The following SAMM50 variants were observed in gnomAD, a reference collection of about 807,000 sequenced individuals.
SAMM50 encodes sorting and assembly machinery component 50 homolog.
Under a neutral mutation model 66.9 loss-of-function variants are expected in SAMM50, and 47 were observed. The ratio of observed to expected loss-of-function variants is 0.70; its 90% CI spans 0.56 to 0.90. The LOEUF (loss-of-function observed/expected upper bound fraction) is 0.90. Among genes scored for constraint, SAMM50 ranks in the 40% least tolerant of loss-of-function variants. The pLI is 0.00. For missense variants in SAMM50, 535 were observed against 595.3 expected (o/e 0.90, Z 1.05); for synonymous variants, 191 against 214.1 (o/e 0.89, Z 0.94).
At chr22:43,970,360 C>T (rs2050197055) in intron 4 of SAMM50, among the ~76,000 whole-genome samples, 1 of 152,138 alleles carries the variant, frequency 6.6e-6, no homozygotes, top group Non-Finnish European at 1.5e-5. Context: ...TGTAGTTTCC[C>T]CCCGTGGTGT....
intron 1 of SAMM50, among the ~76,000 whole-genome samples, chr22:43,960,156 C>T (rs2050140696): frequency 6.6e-6 from 1 of 152,148 alleles, no homozygotes; most frequent in Non-Finnish European, 1.5e-5. Context: ...AGTATGTGCA[C>T]ATAATCTTAC....
intron 1 of SAMM50, chr22:43,957,259 G>A (rs1460918552): frequency 9.1e-6 from 6 of 661,154 alleles, no homozygotes; most frequent in Non-Finnish European, 1.7e-5. Context: ...CAGAAACAAT[G>A]GCATGATTCG....
In SAMM50 at chr22:43,972,132, A is replaced by T. The variant is rs954512657; in HGVS notation, c.323-104A>T. The T allele has an allele frequency of 2.6e-5, 16 of 614,866 alleles. No individual in the cohort carries two copies. In the Admixed American group the frequency reaches 5.1e-4, roughly 20 times the overall value. The allele number at this position is 614,866 out of a possible 1,614,324, so 38.1% of individuals were successfully genotyped here. On this transcript the variant is annotated intron_variant, in intron 4 of 14. Coordinates refer to ENST00000350028, the MANE Select transcript of SAMM50 (RefSeq NM_015380.5). The stretch of plus-strand genomic sequence containing the variant: ...TATATTATTTTCTAAAGGAGATTGT[A>T]AAATAGAATGAACCTTCAGATTGCT...
At chr22:43,981,938 CTT>C (rs1208872201) in intron 11 of SAMM50, among the ~76,000 whole-genome samples, 1 of 151,916 alleles carries the variant, frequency 6.6e-6, no homozygotes. Context: ...TTTAAGATAA[CTT>C]GTTGTTTATT....
intron 12 of SAMM50, among the ~76,000 whole-genome samples, chr22:43,984,438 A>G (rs1408365358): frequency 5.6e-5 from 8 of 142,460 alleles, no homozygotes; most frequent in Middle Eastern, 4.6e-3. Context: ...TCAGCCTCCC[A>G]AGTAGCTGGG....
intron 1 of SAMM50, among the ~76,000 whole-genome samples, chr22:43,962,038 A>C (rs1283545007): frequency 6.6e-6 from 1 of 151,942 alleles, no homozygotes; most frequent in Non-Finnish European, 1.5e-5. Context: ...GTTTATGTAG[A>C]TGTTTCTCAA....
rs1603419519 is a variant in SAMM50, at chr22:43,977,910, C to T, written c.888C>T (p.Ile296=). ...ACACTGGCGGGGATGTGAGCTTCAT[C>T]AAAGAAGATTTTGAACTTCAGTTGA... The part of the protein sequence containing the change: ...AGYTGGDVSF[I]KEDFELQLNK... The change falls in exon 10 of 15, where the codon ATC becomes ATT. Residue 296 remains isoleucine (I), a synonymous_variant. Transcript: ENST00000350028. 4.3e-6 allele frequency: 7 copies of T among 1,613,156 alleles called. No individual in the cohort carries two copies. In the East Asian group the frequency reaches 1.6e-4, roughly 36 times the overall value.
chr22:43,959,139 C>T (rs1439208012), intron 1 of SAMM50, among the ~76,000 whole-genome samples: 6 of 151,814 alleles, frequency 4.0e-5, no homozygotes, highest in African/African-American at 1.5e-4. Context: ...CTACCTCAGC[C>T]CCCTGAGTGG....
chr22:43,975,855 T>C, intron 7 of SAMM50, 200 bp from the exon 8 acceptor site: 3 of 573,304 alleles, frequency 5.2e-6, no homozygotes, highest in Non-Finnish European at 9.2e-6. Flanking sequence ...CTTCACAGCT[T>C]TCCCCCTTTC....
intron 4 of SAMM50, 54 bp from the exon 5 acceptor site, chr22:43,972,182 C>T: frequency 8.6e-7 from 1 of 1,157,630 alleles, no homozygotes. Context: ...GCAATGGGAA[C>T]CCAAAGTAAA....
chr22:43,957,374 G>A, intron 1 of SAMM50: 1 of 473,758 alleles, frequency 2.1e-6, no homozygotes, highest in Non-Finnish European at 3.9e-6. Context: ...ATAAATCAAT[G>A]TGGATTTGTG....
intron 11 of SAMM50, among the ~76,000 whole-genome samples, chr22:43,982,611 G>A (rs1051217192): frequency 6.6e-6 from 1 of 152,118 alleles, no homozygotes; most frequent in African/African-American, 2.4e-5. Flanking sequence ...ATTCAAATGT[G>A]TGATTTATCG....
rs2050277054 is a variant in SAMM50, at chr22:43,983,888, C to G, written c.1008-45C>G. 1 of 1,414,940 alleles carries G rather than the reference C, an allele frequency of 7.1e-7. No individual in the cohort carries two copies. Among genetic ancestry groups the G allele is most frequent in the Non-Finnish European group, 9.8e-7 (1 of 1,016,408 alleles). 87.6% of individuals were successfully genotyped at this position (1,414,940 alleles called of 1,614,324 possible). On this transcript the variant is annotated intron_variant, in intron 11 of 14. Coordinates refer to ENST00000350028, the MANE Select transcript of SAMM50 (RefSeq NM_015380.5). The surrounding 1 kb of genome is among the most constrained non-coding windows in gnomAD (Gnocchi z 4.2). ...ACGCGTTCCGTGTGTCATGTCGTTT[C>G]TCACCTCCTGACTTTCCTCTGACCT...
intron 3 of SAMM50, among the ~76,000 whole-genome samples, chr22:43,965,802 G>A (rs1193116892): frequency 6.6e-6 from 1 of 151,970 alleles, no homozygotes; most frequent in Non-Finnish European, 1.5e-5. Flanking sequence ...TGGCTGTGTG[G>A]TACCTCGTTG....
rs1220151356 is a variant in SAMM50, at chr22:43,977,918, A to G, written c.896A>G (p.Asp299Gly). 1 of 1,613,496 alleles carries G rather than the reference A, an allele frequency of 6.2e-7. No homozygotes were observed. Among genetic ancestry groups the G allele is most frequent in the Admixed American group, 1.7e-5 (1 of 59,960 alleles). The change falls in exon 10 of 15, where the codon GAT (aspartate) becomes GGT (glycine). Residue 299 changes from aspartate to glycine, a missense_variant. Asp to Gly is a moderately conservative substitution (Grantham distance 94, BLOSUM62 -1). Coordinates refer to ENST00000350028, the MANE Select transcript of SAMM50 (RefSeq NM_015380.5). ...GGGGATGTGAGCTTCATCAAAGAAGATTTTGAACTTCAGTTGAACAAGCAA... is the reference window on the plus strand; with the variant it reads ...GGGGATGTGAGCTTCATCAAAGAAGGTTTTGAACTTCAGTTGAACAAGCAA... ...TGGDVSFIKE[D>G]FELQLNKQLI... is the part of the protein sequence containing the mutation.
At chr22:43,992,416 T>C (rs1038197360) in intron 14 of SAMM50, among the ~76,000 whole-genome samples, 1 of 152,244 alleles carries the variant, frequency 6.6e-6, no homozygotes, top group Non-Finnish European at 1.5e-5. Context: ...TCCCTACTGA[T>C]GACAGGGCCT....
chr22:43,996,060 CGTGAAGGAGGTGAGGAGGGAGTA>C (rs67058637), intron 14 of SAMM50: 1 of 503,694 alleles, frequency 2.0e-6, no homozygotes, highest in Non-Finnish European at 3.6e-6. Flanking sequence ...GAGAGGGGAA[CGTGAAGGAGGTGAGGAGGGAGTA>C]GTGCAGGAGG....
intron 1 of SAMM50, among the ~76,000 whole-genome samples, chr22:43,962,200 C>T (rs2050150334): frequency 6.6e-6 from 1 of 152,216 alleles, no homozygotes; most frequent in South Asian, 2.1e-4. Flanking sequence ...TCATCTAACA[C>T]AAAGCCTATT....
intron 1 of SAMM50, 70 bp from the exon 2 acceptor site, chr22:43,963,216 A>C (rs2050156258): frequency 1.0e-6 from 1 of 963,172 alleles, no homozygotes; most frequent in Non-Finnish European, 1.6e-6. Flanking sequence ...ATCTAAAGAC[A>C]AAACTCAAAG....
Sources: gnomAD v4.1 joint callset for allele counts (sites outside exome capture counted in the v4.1 genomes callset) on GRCh38, gnomAD v4.1.1 for gene constraint, Gnocchi (gnomAD v3.1) non-coding constraint, MANE v1.5 for transcripts, NCBI Gene and HGNC (gene_info 2026-07-23, HGNC 2026-07-21) for gene names.